TMLHE: variants seen among roughly 807,000 people sequenced by gnomAD.
The protein encoded by TMLHE is trimethyllysine dioxygenase, mitochondrial.
In TMLHE, 18 loss-of-function variants were observed where a neutral mutation model predicts 25.7. The observed-to-expected ratio is 0.70, with a 90% CI of 0.48 to 1.04. The LOEUF is 1.04. TMLHE is among the 50% of genes least tolerant of loss of function. TMLHE has a pLI of 0.00. For synonymous variants in TMLHE, 105 were observed against 97.0 expected, an observed-to-expected ratio of 1.08 and a Z score of -0.49; for missense variants, 236 against 259.0, an observed-to-expected ratio of 0.91 and a Z score of 0.61.
chrX:155,526,354 T>G (rs1167161611), intron 2 of TMLHE, among the ~76,000 whole-genome samples: 5 of 112,830 alleles, frequency 4.4e-5, no homozygotes, highest in African/African-American at 1.6e-4. Flanking sequence ...AAGTGGTGGC[T>G]TCCATGTGTT....
At chrX:155,554,038 G>A (rs1439175564) in intron 1 of TMLHE, among the ~76,000 whole-genome samples, 2 of 107,238 alleles carry the variant, frequency 1.9e-5, no homozygotes, top group African/African-American at 3.5e-5. Context: ...TCAGAGCCTC[G>A]CTCTGTCACC....
intron 3 of TMLHE, among the ~76,000 whole-genome samples, chrX:155,516,199 G>C (rs1557335053): frequency 5.5e-5 from 2 of 36,558 alleles, no homozygotes; most frequent in African/African-American, 2.0e-4. Context: ...CCCAGAGTGT[G>C]ATATTCCCCT....
At chrX:155,598,318 A>C (rs184229822) in intron 1 of TMLHE, among the ~76,000 whole-genome samples, 1 of 110,431 alleles carries the variant, frequency 9.1e-6, no homozygotes, top group East Asian at 2.9e-4. Context: ...TCCAACAATG[A>C]CAGACTGGAT....
Position 155,547,270 on chromosome X carries a change from G to C in TMLHE, c.-1-1993C>G, listed in dbSNP as rs891013009. On this transcript the variant is annotated intron_variant, in intron 1 of 7. Transcript: ENST00000334398. ...CGCCATTCTCCTGCCTCAGCCTCCC[G>C]AGTAGCTGGGACTACAGGCACCTGC... is the stretch of plus-strand genomic sequence containing the variant. Among the ~76,000 whole-genome samples the C allele has an allele frequency of 2.3e-5, 2 of 87,832 alleles. 1 individual carries two copies. The highest frequency in any genetic ancestry group is 1.3e-3 in the South Asian group (2 of 1,547). The allele number at this position is 87,832 out of a possible 115,157, so 76.3% of individuals were successfully genotyped here.
chrX:155,547,200 A>G lies in TMLHE; in HGVS notation c.-1-1923T>C, dbSNP rs782083373. Among the ~76,000 whole-genome samples, 34 of 95,900 alleles carry G rather than the reference A, an allele frequency of 3.5e-4. 1 individual carries two copies. The South Asian group carries it at 0.011, about 32-fold the overall frequency. 83.3% of individuals were successfully genotyped at this position (95,900 alleles called of 115,157 possible). A position where few individuals can be genotyped will look rare whatever the true frequency, so the allele number is the denominator to read the frequency against. ...TGCTCTGTCGCCCAGGCTGGAGTGC[A>G]GTGGCGCTATCTCGGCTCACTGCAA... On this transcript the variant is annotated intron_variant, in intron 1 of 7. Transcript: ENST00000334398.
chrX:155,593,678 A>C (rs1247035765), intron 1 of TMLHE, among the ~76,000 whole-genome samples: 1 of 112,328 alleles, frequency 8.9e-6, no homozygotes, highest in African/African-American at 3.2e-5. Flanking sequence ...TATATGGATA[A>C]AAAATTAAAT....
Position 155,521,867 on chromosome X carries a change from GC to G in TMLHE, c.358+2588del, listed in dbSNP as rs1229241480. Among the ~76,000 whole-genome samples the G allele has an allele frequency of 3.5e-5, 3 of 85,160 alleles. No individual in the cohort carries two copies. The East Asian group carries it at 1.2e-3, about 33-fold the overall frequency. 74.0% of individuals were successfully genotyped at this position (85,160 alleles called of 115,157 possible). On this transcript the variant is annotated intron_variant, in intron 3 of 7. Transcript: ENST00000334398. Reference sequence around the variant, plus strand: ...CGCTTCCCAGGTGAGGCAATGCCTCGCCCTGCTTCGGCTCGCGCACGGTGCG... The same window carrying G: ...CGCTTCCCAGGTGAGGCAATGCCTCGCCTGCTTCGGCTCGCGCACGGTGCG...
At chrX:155,553,706 T>A (rs1254320248) in intron 1 of TMLHE, among the ~76,000 whole-genome samples, 1 of 110,724 alleles carries the variant, frequency 9.0e-6, no homozygotes. Context: ...ATTTACTTTC[T>A]GTTTGTCTTG....
intron 1 of TMLHE, among the ~76,000 whole-genome samples, chrX:155,591,528 A>G (rs2067693611): frequency 8.9e-6 from 1 of 112,377 alleles, no homozygotes; most frequent in African/African-American, 3.2e-5. Flanking sequence ...GAAATTTGGG[A>G]AATCCACAAA....
At chrX:155,504,343 G>A (rs1303911256) in intron 6 of TMLHE, among the ~76,000 whole-genome samples, 1 of 73,686 alleles carries the variant, frequency 1.4e-5, no homozygotes, top group African/African-American at 5.2e-5. Flanking sequence ...AAATATCACC[G>A]TAAGATACCG....
Position 155,560,831 on chromosome X carries a change from G to C in TMLHE, c.-1-15554C>G, listed in dbSNP as rs1391585601. Among the ~76,000 whole-genome samples the C allele has an allele frequency of 3.9e-4, 24 of 61,810 alleles. 1 individual carries two copies. The highest frequency in any genetic ancestry group is 8.6e-4 in the African/African-American group (24 of 27,873). The allele number at this position is 61,810 out of a possible 115,157, so 53.7% of individuals were successfully genotyped here. ...AAAAACTTTAGTTTTTACTCTGATA[G>C]AAATGATGAACCATTGTAGGGTTTT... On this transcript the variant is annotated intron_variant, in intron 1 of 7. Transcript: ENST00000334398.
At chrX:155,556,661 T>C (rs1232018359) in intron 1 of TMLHE, among the ~76,000 whole-genome samples, 1 of 110,075 alleles carries the variant, frequency 9.1e-6, no homozygotes, top group Non-Finnish European at 1.9e-5. Flanking sequence ...TTAAAATTGC[T>C]AATGAAGTTT....
intron 2 of TMLHE, among the ~76,000 whole-genome samples, chrX:155,538,034 T>C (rs187628854): frequency 9.0e-6 from 1 of 111,433 alleles, no homozygotes; most frequent in East Asian, 2.8e-4. Context: ...CATCATTAAC[T>C]ATAGTCATTT....
chrX:155,599,434 C>T (rs919515934), intron 1 of TMLHE, among the ~76,000 whole-genome samples: 1 of 111,676 alleles, frequency 9.0e-6, no homozygotes, highest in Non-Finnish European at 1.9e-5. Flanking sequence ...AAAGTAAAGA[C>T]ATGAATCATG....
intron 4 of TMLHE, 83 bp from the exon 5 acceptor site, chrX:155,511,875 T>C (rs949661082): frequency 4.1e-6 from 4 of 982,713 alleles, no homozygotes; most frequent in Admixed American, 3.0e-5. Flanking sequence ...ATACCTTCTT[T>C]AGTTACTCAC....
intron 1 of TMLHE, among the ~76,000 whole-genome samples, chrX:155,549,346 G>C (rs1217402929): frequency 5.4e-5 from 6 of 110,598 alleles, no homozygotes; most frequent in South Asian, 3.8e-4. Flanking sequence ...TGTTAGCCAT[G>C]TTTTTGGATT....
chrX:155,548,501 C>T lies in TMLHE; in HGVS notation c.-1-3224G>A, dbSNP rs782349502. On this transcript the variant is annotated intron_variant, in intron 1 of 7. Coordinates refer to ENST00000334398, the MANE Select transcript of TMLHE (RefSeq NM_018196.4). ...CTGAAATCCCAGCACTTTGGGAGGT[C>T]AAGGCGGGCGGATCACAAGGTCAGC... is the stretch of plus-strand genomic sequence containing the variant. Among the ~76,000 whole-genome samples the T allele has an allele frequency of 5.9e-3, 635 of 108,464 alleles. 10 individuals carry two copies. In the South Asian group the frequency reaches 0.059, roughly 10 times the overall value. The allele number at this position is 108,464 out of a possible 115,157, so 94.2% of individuals were successfully genotyped here. A position where few individuals can be genotyped will look rare whatever the true frequency, so the allele number is the denominator to read the frequency against.
At chrX:155,547,805 C>T (rs1426730771) in intron 1 of TMLHE, among the ~76,000 whole-genome samples, 1 of 111,003 alleles carries the variant, frequency 9.0e-6, no homozygotes. Flanking sequence ...AAGCCTCTTT[C>T]TTTCATTATT....
intron 4 of TMLHE, among the ~76,000 whole-genome samples, chrX:155,513,313 G>A (rs1557334067): frequency 5.4e-5 from 6 of 111,585 alleles, no homozygotes; most frequent in Non-Finnish European, 1.1e-4. Context: ...TTAGGATTAG[G>A]AAACCTGGGC....
Sources: gnomAD v4.1 joint callset for allele counts (sites outside exome capture counted in the v4.1 genomes callset) on GRCh38, gnomAD v4.1.1 for gene constraint, MANE v1.5 for transcripts, NCBI Gene and HGNC (gene_info 2026-07-23, HGNC 2026-07-21) for gene names.